Variants in WIPF3 observed in about 807,000 individuals in gnomAD.
WIPF3 encodes the protein WAS/WASL-interacting protein family member 3.
A neutral mutation model predicts 38.9 loss-of-function variants in WIPF3; 33 were observed. The ratio of observed to expected loss-of-function variants is 0.85; its 90% confidence interval spans 0.64 to 1.14. The LOEUF is 1.14. WIPF3 is among the 50% of genes most tolerant of loss of function. WIPF3 has a pLI of 0.00. For synonymous variants in WIPF3, 324 were observed against 269.3 expected, an observed-to-expected ratio of 1.20 and a Z score of -1.99; for missense variants, 711 against 652.5, an observed-to-expected ratio of 1.09 and a Z score of -0.98.
chr7:29,906,885 A>G (rs1786407723), intron 8 of WIPF3, among the ~76,000 whole-genome samples: 1 of 152,236 alleles, frequency 6.6e-6, no homozygotes, highest in Non-Finnish European at 1.5e-5. Flanking sequence ...CAAGTGCTAA[A>G]AGAAAAAACT....
chr7:29,880,449 G>A (rs1785691562), intron 4 of WIPF3, among the ~76,000 whole-genome samples: 1 of 152,200 alleles, frequency 6.6e-6, no homozygotes, highest in Admixed American at 6.5e-5. Context: ...GGGGTTAGCA[G>A]GAAAGGTAGA....
intron 1 of WIPF3, among the ~76,000 whole-genome samples, chr7:29,808,326 A>G (rs537203168): frequency 6.6e-6 from 1 of 152,272 alleles, no homozygotes; most frequent in Non-Finnish European, 1.5e-5. Flanking sequence ...AGTAACTGGA[A>G]ATGAAACATA....
intron 2 of WIPF3, among the ~76,000 whole-genome samples, chr7:29,864,730 A>T (rs1054909933): frequency 1.3e-5 from 2 of 152,096 alleles, no homozygotes; most frequent in African/African-American, 4.8e-5. Flanking sequence ...CACATTTCAG[A>T]TTCTCTATTT....
At chr7:29,885,546 C>G (rs933182099) in intron 5 of WIPF3, among the ~76,000 whole-genome samples, 1 of 152,182 alleles carries the variant, frequency 6.6e-6, no homozygotes, top group African/African-American at 2.4e-5. Flanking sequence ...ACGGATGGCT[C>G]ACACCGGTAA....
intron 2 of WIPF3, among the ~76,000 whole-genome samples, chr7:29,863,228 C>T (rs1785328621): frequency 6.6e-6 from 1 of 152,146 alleles, no homozygotes; most frequent in Admixed American, 6.5e-5. Flanking sequence ...CATTTGTAAT[C>T]ACACCTTCCT....
In WIPF3 at chr7:29,889,505, G is replaced by A. The variant is rs1057351632; in HGVS notation, c.1351+98G>A. 5.6e-6 allele frequency: 5 copies of A among 892,276 alleles called. No homozygotes were observed. The African/African-American group carries it at 8.3e-5, about 15-fold the overall frequency. 55.3% of individuals were successfully genotyped at this position (892,276 alleles called of 1,614,324 possible). A position where few individuals can be genotyped will look rare whatever the true frequency, so the allele number is the denominator to read the frequency against. On this transcript the variant is annotated intron_variant, in intron 7 of 8. Coordinates refer to ENST00000242140, the MANE Select transcript of WIPF3 (RefSeq NM_001080529.3). ...GGTCACAGACTGTCTAAAGGATGAT[G>A]TCATGATTTCACTGTACCACTGCAA... is the stretch of plus-strand genomic sequence containing the variant.
chr7:29,888,310 C>T, intron 6 of WIPF3, 93 bp downstream of exon 6: 1 of 1,465,986 alleles, frequency 6.8e-7, no homozygotes, highest in South Asian at 1.3e-5. Flanking sequence ...ACAGTGCTGC[C>T]ATCTCAGGGT....
In WIPF3 at chr7:29,834,736, ACCGCCACCC is replaced by A. The variant is rs1412178855; in HGVS notation, c.15_23del (p.Pro8_Pro10del). On this transcript the variant is annotated inframe_deletion, in exon 2 of 9. Coordinates refer to ENST00000242140, the MANE Select transcript of WIPF3 (RefSeq NM_001080529.3). ...CAACACCGTGACACATGCCAGTGCC[ACCGCCACCC>A]CCACCTCCTCTGCCTCCACCTCCCC... 1 of 1,511,762 alleles carries A rather than the reference ACCGCCACCC, an allele frequency of 6.6e-7. No individual in the cohort carries two copies. The highest frequency in any genetic ancestry group is 8.9e-7 in the Non-Finnish European group (1 of 1,127,858). 93.6% of individuals were successfully genotyped at this position (1,511,762 alleles called of 1,614,324 possible).
At chr7:29,836,893 GGC>G (rs1169557292) in intron 2 of WIPF3, among the ~76,000 whole-genome samples, 2 of 152,132 alleles carry the variant, frequency 1.3e-5, no homozygotes, top group Non-Finnish European at 2.9e-5. Context: ...AGGAGGCTGT[GGC>G]AGGGAGAATT....
In WIPF3 at chr7:29,878,477, G is replaced by A. The variant is rs1389853976; in HGVS notation, c.224-532G>A. 3.3e-5 allele frequency among the ~76,000 whole-genome samples: 5 copies of A among 152,134 alleles called. No individual in the cohort carries two copies. The highest frequency in any genetic ancestry group is 1.2e-4 in the African/African-American group (5 of 41,418). On this transcript the variant is annotated intron_variant, in intron 3 of 8. Coordinates refer to ENST00000242140, the MANE Select transcript of WIPF3 (RefSeq NM_001080529.3). This position sits in a 1 kb window ranked among gnomAD's most constrained non-coding sequence, Gnocchi z 4.0. The stretch of plus-strand genomic sequence containing the variant: ...AGGTGCAGGGAGGTGCGAGGGGCTG[G>A]GGGCTTGAGGGCTGGAGAGACAGGA...
intron 8 of WIPF3, 79 bp from the exon 9 acceptor site, chr7:29,914,414 T>A (rs1359048744): frequency 1.7e-6 from 2 of 1,204,856 alleles, no homozygotes; most frequent in Non-Finnish European, 2.2e-6. Flanking sequence ...CCAGCCTGTT[T>A]GGGGGGGTGG....
intron 1 of WIPF3, among the ~76,000 whole-genome samples, chr7:29,829,208 C>CTT (rs57757714): frequency 6.7e-5 from 5 of 74,510 alleles, no homozygotes; most frequent in Non-Finnish European, 1.3e-4. Context: ...CTGACTCCTG[C>CTT]TTTTTTTTTT....
intron 7 of WIPF3, among the ~76,000 whole-genome samples, chr7:29,897,459 TTC>T (rs1163966406): frequency 6.6e-6 from 1 of 152,246 alleles, no homozygotes; most frequent in Non-Finnish European, 1.5e-5. Context: ...TTTCTCTATA[TTC>T]TCTCTGACAA....
rs1348773400 is a variant in WIPF3, at chr7:29,916,277, A to G, written c.*1761A>G. 6.6e-6 allele frequency: 1 copy of G among 152,228 alleles called. No individual in the cohort carries two copies. The highest frequency in any genetic ancestry group is 1.5e-5 in the Non-Finnish European group (1 of 68,046). The allele number at this position is 152,228 out of a possible 1,614,324, so 9.4% of individuals were successfully genotyped here. The stretch of plus-strand genomic sequence containing the variant: ...CACTCCACTGCCCTCACAGTTGTGT[A>G]AAATAATTATAGAAGTTTTAATGAT... On this transcript the variant is annotated 3_prime_UTR_variant, in exon 9 of 9. Transcript: ENST00000242140.
At position 29,883,924 on chromosome 7, in the gene WIPF3, C is replaced by A; in HGVS notation, c.430C>A (p.Leu144Ile). 1 of 1,564,152 alleles carries A rather than the reference C, an allele frequency of 6.4e-7. No individual in the cohort carries two copies. The highest frequency in any genetic ancestry group is 1.2e-5 in the South Asian group (1 of 85,386). ...RLPNKTISGP[L>I]IPPASPRLGN... ...TCCCAACAAAACCATCAGCGGCCCGCTTATCCCGCCTGCCTCTCCCAGGCT... is the reference window on the plus strand; with the variant it reads ...TCCCAACAAAACCATCAGCGGCCCGATTATCCCGCCTGCCTCTCCCAGGCT... The change falls in exon 5 of 9, where the codon CTT becomes ATT. Residue 144 changes from leucine (L) to isoleucine (I), a missense_variant. Physicochemically the swap from Leu to Ile is conservative, Grantham distance 5 (BLOSUM62 2). Coordinates refer to ENST00000242140, the MANE Select transcript of WIPF3 (RefSeq NM_001080529.3).
At chr7:29,902,513 T>C (rs1294341476) in intron 7 of WIPF3, among the ~76,000 whole-genome samples, 1 of 152,134 alleles carries the variant, frequency 6.6e-6, no homozygotes, top group Admixed American at 6.5e-5. Flanking sequence ...GACTTATATA[T>C]GTTGTAGAAA....
chr7:29,889,455 A>G, intron 7 of WIPF3, 48 bp downstream of exon 7: 1 of 1,434,104 alleles, frequency 7.0e-7, no homozygotes, highest in South Asian at 1.2e-5. Flanking sequence ...ACCCTTCAAA[A>G]TTAGGTGCCC....
At chr7:29,903,772 G>A (rs1786335571) in intron 7 of WIPF3, among the ~76,000 whole-genome samples, 1 of 152,160 alleles carries the variant, frequency 6.6e-6, no homozygotes, top group Admixed American at 6.5e-5. Context: ...ATTGGGATTG[G>A]GGGAGGAACA....
intron 3 of WIPF3, among the ~76,000 whole-genome samples, chr7:29,877,063 A>G (rs1785613954): frequency 6.6e-6 from 1 of 152,226 alleles, no homozygotes; most frequent in Admixed American, 6.5e-5. Context: ...ATGATGCCTC[A>G]TGTGAATGAT....
Sources: gnomAD v4.1 joint callset for allele counts (sites outside exome capture counted in the v4.1 genomes callset) on GRCh38, gnomAD v4.1.1 for gene constraint, Gnocchi (gnomAD v3.1) non-coding constraint, MANE v1.5 for transcripts, NCBI Gene and HGNC (gene_info 2026-07-23, HGNC 2026-07-21) for gene names.